The following PCDHAC2 variants were observed in gnomAD, a reference collection of about 807,000 sequenced individuals.
The protein encoded by PCDHAC2 is protocadherin alpha subfamily C, 2.
Under a neutral mutation model 63.3 loss-of-function variants are expected in PCDHAC2, and 24 were observed. The ratio of observed to expected loss-of-function variants is 0.38; its 90% CI spans 0.27 to 0.53. The LOEUF is 0.53. Among genes scored for constraint, PCDHAC2 ranks in the 20% least tolerant of loss-of-function variants. The pLI is 0.81. For missense variants in PCDHAC2, 1,181 were observed against 1,275.2 expected, an observed-to-expected ratio of 0.93 and a Z score of 1.12; for synonymous variants, 569 against 529.4, an observed-to-expected ratio of 1.07 and a Z score of -1.03.
At chr5:140,999,486 A>G (rs1282748321) in intron 3 of PCDHAC2, among the ~76,000 whole-genome samples, 1 of 152,144 alleles carries the variant, frequency 6.6e-6, no homozygotes, top group Non-Finnish European at 1.5e-5. Context: ...ACTCAAGTCT[A>G]TGTTACCCAA....
chr5:140,967,980 A>C lies in PCDHAC2; in HGVS notation c.1214A>C (p.Glu405Ala). The part of the protein sequence containing the change: ...GPNRKVSLGL[E>A]ATLPFRLNGF... ...AACCGGAAAGTGAGCCTGGGTCTGGAGGCCACACTGCCTTTCCGACTGAAT... is the reference window on the plus strand; with the variant it reads ...AACCGGAAAGTGAGCCTGGGTCTGGCGGCCACACTGCCTTTCCGACTGAAT... The change falls in exon 1 of 4, where the codon GAG (glutamate) becomes GCG (alanine). Residue 405 changes from glutamate to alanine, a missense_variant. Physicochemically the swap from Glu to Ala is moderately radical, Grantham distance 107 (BLOSUM62 -1). Around this residue, in one of 3 missense-constraint regions of PCDHAC2, gnomAD observed 968 missense variants for 1,073.5 expected, o/e 0.90. Transcript: ENST00000289269. 6.2e-7 allele frequency: 1 copy of C among 1,614,198 alleles called. No homozygotes were observed. Among genetic ancestry groups the C allele is most frequent in the South Asian group, 1.1e-5 (1 of 91,080 alleles).
In PCDHAC2 at chr5:140,967,958, C is replaced by A. The variant is rs202159883; in HGVS notation, c.1192C>A (p.Arg398=). ...SVNDQDSGPN[R]KVSLGLEATL... is the part of the protein sequence containing the mutation. ...CAATGACCAAGACTCAGGCCCCAAC[C>A]GGAAAGTGAGCCTGGGTCTGGAGGC... The change falls in exon 1 of 4, where the codon CGG becomes AGG. Residue 398 remains arginine (R), a synonymous_variant. Transcript: ENST00000289269. 1 of 1,614,182 alleles carries A rather than the reference C, an allele frequency of 6.2e-7. No homozygotes were observed. Among genetic ancestry groups the A allele is most frequent in the Non-Finnish European group, 8.5e-7 (1 of 1,180,030 alleles).
At chr5:140,974,105 A>G (rs1173287678) in intron 1 of PCDHAC2, among the ~76,000 whole-genome samples, 1 of 152,246 alleles carries the variant, frequency 6.6e-6, no homozygotes, top group African/African-American at 2.4e-5. Context: ...GGTTAAAAGT[A>G]TTCTTTTGCA....
At chr5:140,985,608 G>A (rs76669319) in intron 3 of PCDHAC2, among the ~76,000 whole-genome samples, 1,553 of 152,166 alleles carry the variant, frequency 0.01, 12 homozygotes, top group Middle Eastern at 0.054. Context: ...AGCCCTTTCC[G>A]TGAACCAGCT....
intron 3 of PCDHAC2, among the ~76,000 whole-genome samples, chr5:140,985,802 C>T (rs567648207): frequency 1.1e-4 from 16 of 146,640 alleles, no homozygotes; most frequent in African/African-American, 3.3e-4. Flanking sequence ...TGCAGTGGCA[C>T]GATCTCAGCT....
intron 3 of PCDHAC2, among the ~76,000 whole-genome samples, chr5:140,985,878 T>C (rs891027308): frequency 6.6e-6 from 1 of 151,706 alleles, no homozygotes; most frequent in Non-Finnish European, 1.5e-5. Flanking sequence ...TAGCTGGGAC[T>C]ACAGGCGCCC....
At chr5:141,008,626 A>G (rs375674921) in intron 3 of PCDHAC2, among the ~76,000 whole-genome samples, 1 of 152,222 alleles carries the variant, frequency 6.6e-6, no homozygotes. Context: ...TTTCTCAAGT[A>G]TAATTAACAA....
chr5:140,980,110 A>G (rs2096876892), intron 2 of PCDHAC2, among the ~76,000 whole-genome samples: 1 of 152,208 alleles, frequency 6.6e-6, no homozygotes, highest in Admixed American at 6.5e-5. Context: ...GTCACATTGG[A>G]ACCTGGGTCA....
chr5:140,973,936 G>A (rs2096608372), intron 1 of PCDHAC2, among the ~76,000 whole-genome samples: 1 of 152,334 alleles, frequency 6.6e-6, no homozygotes, highest in Admixed American at 6.5e-5. Context: ...AGGTTTAGCT[G>A]AATATGATGG....
Position 140,967,116 on chromosome 5 carries a change from G to A in PCDHAC2, c.350G>A (p.Cys117Tyr). Residue 117 changes from cysteine to tyrosine, a missense_variant, in exon 1 of 4, where the codon TGC (cysteine) becomes TAC (tyrosine). Around this residue, in one of 3 missense-constraint regions of PCDHAC2, gnomAD observed 210 missense variants for 184.9 expected, o/e 1.14. Coordinates refer to ENST00000289269, the MANE Select transcript of PCDHAC2 (RefSeq NM_018899.6). ...GCGCTGTGTGAGCAGCGGCCTCGCT[G>A]CCTGCTCAGCTTGGAAGTGCTGGCG... ...REALCEQRPRCLLSLEVLAHN... is the reference protein window; with the variant it reads ...REALCEQRPRYLLSLEVLAHN... 2 of 1,612,922 alleles carry A rather than the reference G, an allele frequency of 1.2e-6. No individual in the cohort carries two copies. Among genetic ancestry groups the A allele is most frequent in the Non-Finnish European group, 1.7e-6 (2 of 1,179,434 alleles).
chr5:140,995,334 T>C (rs2097677447), intron 3 of PCDHAC2, among the ~76,000 whole-genome samples: 1 of 152,184 alleles, frequency 6.6e-6, no homozygotes, highest in Non-Finnish European at 1.5e-5. Context: ...GTGAGTAGTG[T>C]AGACGGCATG....
chr5:141,011,228 A>T lies in PCDHAC2; in HGVS notation c.*1291A>T, dbSNP rs2098419864. 1 of 153,664 alleles carries T rather than the reference A, an allele frequency of 6.5e-6. No homozygotes were observed. The highest frequency in any genetic ancestry group is 1.5e-5 in the Non-Finnish European group (1 of 68,016). 9.5% of individuals were successfully genotyped at this position (153,664 alleles called of 1,614,324 possible). On this transcript the variant is annotated 3_prime_UTR_variant, in exon 4 of 4. Coordinates refer to ENST00000289269, the MANE Select transcript of PCDHAC2 (RefSeq NM_018899.6). The stretch of plus-strand genomic sequence containing the variant: ...CAGTGAGCAGATTTTTCAATCTACT[A>T]ATTCTGTGACTTGTCTTGGTGTGCT...
Position 141,010,353 on chromosome 5 carries a change from G to A in PCDHAC2, c.*416G>A. On this transcript the variant is annotated 3_prime_UTR_variant, in exon 4 of 4. Transcript: ENST00000289269. ...AGTTTGTGGCCACTGGGTATGTGTG[G>A]CTACCGCGGGTATGCGAGTGCCAGA... is the stretch of plus-strand genomic sequence containing the variant. 1.3e-6 allele frequency: 2 copies of A among 1,507,486 alleles called. No individual in the cohort carries two copies. Among genetic ancestry groups the A allele is most frequent in the Non-Finnish European group, 1.8e-6 (2 of 1,128,244 alleles). The allele number at this position is 1,507,486 out of a possible 1,614,324, so 93.4% of individuals were successfully genotyped here. A position where few individuals can be genotyped will look rare whatever the true frequency, so the allele number is the denominator to read the frequency against.
chr5:141,010,073 T>C lies in PCDHAC2; in HGVS notation c.*136T>C. On this transcript the variant is annotated 3_prime_UTR_variant, in exon 4 of 4. Coordinates refer to ENST00000289269, the MANE Select transcript of PCDHAC2 (RefSeq NM_018899.6). ...CCTCAGAAATCTGCAGAAAGTTCCC[T>C]GTGTCTGTCTAGAACGCATTTAACA... 6.2e-7 allele frequency: 1 copy of C among 1,606,602 alleles called. No individual in the cohort carries two copies. The highest frequency in any genetic ancestry group is 1.7e-5 in the Admixed American group (1 of 59,096).
Position 141,010,021 on chromosome 5 carries a change from T to C in PCDHAC2, c.*84T>C. 1 of 1,572,108 alleles carries C rather than the reference T, an allele frequency of 6.4e-7. No individual in the cohort carries two copies. The highest frequency in any genetic ancestry group is 1.9e-5 in the Admixed American group (1 of 52,756). On this transcript the variant is annotated 3_prime_UTR_variant, in exon 4 of 4. Coordinates refer to ENST00000289269, the MANE Select transcript of PCDHAC2 (RefSeq NM_018899.6). ...CATGTAGCAATTCCCTGCTCCTTTTTCCTATCTACATGAGCCCTCTTAGAG... is the reference window on the plus strand; with the variant it reads ...CATGTAGCAATTCCCTGCTCCTTTTCCCTATCTACATGAGCCCTCTTAGAG...
At chr5:141,006,745 T>C (rs1554260891) in intron 3 of PCDHAC2, among the ~76,000 whole-genome samples, 1 of 152,144 alleles carries the variant, frequency 6.6e-6, no homozygotes, top group Non-Finnish European at 1.5e-5. Flanking sequence ...TGATGTATTA[T>C]AAATGGAGAA....
At chr5:140,993,540 A>T (rs1189758746) in intron 3 of PCDHAC2, among the ~76,000 whole-genome samples, 7 of 151,678 alleles carry the variant, frequency 4.6e-5, no homozygotes, top group Non-Finnish European at 8.8e-5. Context: ...AGAGAGAGAT[A>T]GAGAAGTGAA....
At chr5:140,991,757 C>T (rs1554252410) in intron 3 of PCDHAC2, among the ~76,000 whole-genome samples, 1 of 152,160 alleles carries the variant, frequency 6.6e-6, no homozygotes, top group African/African-American at 2.4e-5. Context: ...CTATCATGCT[C>T]TTCAAAATTC....
chr5:140,969,162 C>T lies in PCDHAC2; in HGVS notation c.2396C>T (p.Ala799Val). The change falls in exon 1 of 4, where the codon GCA becomes GTA. Residue 799 changes from alanine (A) to valine (V), a missense_variant. Ala to Val is a moderately conservative substitution (Grantham distance 64). Coordinates refer to ENST00000289269, the MANE Select transcript of PCDHAC2 (RefSeq NM_018899.6). ...KTYCYKACLT[A>V]GSGSDTFMFY... ...TACTGCTACAAGGCCTGTCTGACAGCAGGCTCAGGGAGTGACACTTTCATG... is the reference window on the plus strand; with the variant it reads ...TACTGCTACAAGGCCTGTCTGACAGTAGGCTCAGGGAGTGACACTTTCATG... 1 of 1,614,110 alleles carries T rather than the reference C, an allele frequency of 6.2e-7. No homozygotes were observed. Among genetic ancestry groups the T allele is most frequent in the Non-Finnish European group, 8.5e-7 (1 of 1,180,006 alleles).
Sources: allele counts gnomAD v4.1 joint callset (sites outside exome capture counted in the v4.1 genomes callset), GRCh38; gene constraint gnomAD v4.1.1; regional missense constraint gnomAD v4.1.1; transcripts MANE v1.5; gene names NCBI Gene and HGNC (gene_info 2026-07-23, HGNC 2026-07-21).